The following RMP64 variants were observed in gnomAD, a reference collection of about 807,000 sequenced individuals.
RMP64 encodes ribonuclease MRP subunit p64, also known as nucleolus and neural progenitor protein.
At chr3:113,018,058 CTG>C in the RMP64 span, among the ~76,000 whole-genome samples, 1 of 152,198 alleles carries the variant, frequency 6.6e-6, no homozygotes, top group Non-Finnish European at 1.5e-5. Context: ...ATCAAGGCTT[CTG>C]TGTTTGGATA....
At chr3:113,017,247 C>T in the RMP64 span, among the ~76,000 whole-genome samples, 2 of 151,846 alleles carry the variant, frequency 1.3e-5, no homozygotes, top group Non-Finnish European at 2.9e-5. Context: ...TCTTTTCTAA[C>T]AAAAATTACT....
chr3:113,013,908 G>A, the RMP64 span: 1 of 1,296,930 alleles, frequency 7.7e-7, no homozygotes, highest in Non-Finnish European at 1.1e-6. Flanking sequence ...AAGACATTGA[G>A]TTCCCAGCCC....
the RMP64 span, chr3:113,004,529 A>G: frequency 6.6e-6 from 1 of 152,212 alleles, no homozygotes; most frequent in Non-Finnish European, 1.5e-5. Flanking sequence ...CTAAGGTACT[A>G]CTTTCTTTTT....
At chr3:113,005,442 G>A in the RMP64 span, 1 of 770,234 alleles carries the variant, frequency 1.3e-6, no homozygotes, top group East Asian at 2.5e-5. Flanking sequence ...GCTCCTCTGT[G>A]AGTCCAGGTG....
At chr3:113,015,410 A>G in the RMP64 span, among the ~76,000 whole-genome samples, 1 of 152,196 alleles carries the variant, frequency 6.6e-6, no homozygotes, top group Admixed American at 6.5e-5. Context: ...GCAGAGAGGG[A>G]GTGCTGAGAA....
At chr3:113,005,405 ACTC>A in the RMP64 span, 1 of 628,350 alleles carries the variant, frequency 1.6e-6, no homozygotes, top group South Asian at 1.9e-5. Flanking sequence ...ACTGAAATGA[ACTC>A]CTGTGCAATG....
chr3:113,010,626 A>C, the RMP64 span: 5 of 1,605,240 alleles, frequency 3.1e-6, no homozygotes, highest in African/African-American at 6.7e-5. Flanking sequence ...AGCTAAATTT[A>C]ATGAAGCCAG....
the RMP64 span, among the ~76,000 whole-genome samples, chr3:113,017,215 T>C: frequency 1.3e-5 from 2 of 152,178 alleles, no homozygotes; most frequent in Non-Finnish European, 2.9e-5. Context: ...GAAACAAGAC[T>C]GGGAAAGAAT....
At chr3:113,016,851 T>C in the RMP64 span, among the ~76,000 whole-genome samples, 46 of 152,160 alleles carry the variant, frequency 3.0e-4, no homozygotes, top group South Asian at 4.1e-4. Context: ...CAGAATTAAG[T>C]GAATGAATGA....
the RMP64 span, chr3:113,010,976 A>G: frequency 2.2e-6 from 3 of 1,381,948 alleles, no homozygotes; most frequent in Non-Finnish European, 2.9e-6. Context: ...CATGACTATT[A>G]CTTTCAAAAG....
At chr3:113,013,213 A>T in the RMP64 span, 4 of 1,573,150 alleles carry the variant, frequency 2.5e-6, no homozygotes, top group Non-Finnish European at 3.5e-6. Context: ...AAATACTGTT[A>T]AAAATATCCA....
the RMP64 span, chr3:113,013,347 TCCA>T: frequency 1.9e-6 from 3 of 1,613,062 alleles, no homozygotes; most frequent in Non-Finnish European, 2.5e-6. Context: ...CAACACCAAC[TCCA>T]CCACTGGCTG....
At chr3:113,003,622 C>G in the RMP64 span, 7 of 152,156 alleles carry the variant, frequency 4.6e-5, no homozygotes, top group African/African-American at 1.7e-4. Flanking sequence ...TCCAAAAGAA[C>G]ATGAATGAAT....
chr3:113,015,530 C>T, the RMP64 span, among the ~76,000 whole-genome samples: 1 of 152,144 alleles, frequency 6.6e-6, no homozygotes, highest in Non-Finnish European at 1.5e-5. Context: ...AGGGAAGTTT[C>T]TAATACCACT....
At chr3:113,008,530 A>G in the RMP64 span, 1 of 1,015,876 alleles carries the variant, frequency 9.8e-7, no homozygotes. Context: ...TTTAAAAATT[A>G]GAATTATCAG....
the RMP64 span, chr3:113,004,221 C>CT: frequency 6.6e-6 from 1 of 152,204 alleles, no homozygotes; most frequent in African/African-American, 2.4e-5. Context: ...AGGAGAGAAG[C>CT]TAAAGTAGTG....
the RMP64 span, chr3:113,017,378 T>C: frequency 1.8e-5 from 23 of 1,258,212 alleles, no homozygotes; most frequent in East Asian, 5.3e-4. Context: ...TAAATAGCAA[T>C]ATAGTAAGTG....
chr3:113,005,989 T>C, the RMP64 span: 1 of 1,608,160 alleles, frequency 6.2e-7, no homozygotes. Context: ...TTATGCACTC[T>C]AGTTTCTTTG....
the RMP64 span, chr3:113,017,435 C>A: frequency 1.9e-6 from 3 of 1,611,114 alleles, no homozygotes; most frequent in Non-Finnish European, 2.5e-6. Flanking sequence ...TCTCACCTAC[C>A]GGGCTTCCTC....
Sources: allele counts gnomAD v4.1 joint callset (sites outside exome capture counted in the v4.1 genomes callset), GRCh38; gene constraint gnomAD v4.1.1; transcripts MANE v1.5; gene names NCBI Gene and HGNC (gene_info 2026-07-23, HGNC 2026-07-21).